The following SLCO1B3 variants were observed in gnomAD, a reference collection of about 807,000 sequenced individuals.
SLCO1B3 encodes the protein solute carrier organic anion transporter family member 1B3.
A neutral mutation model predicts 71.8 loss-of-function variants in SLCO1B3; 72 were observed. The observed-to-expected ratio is 1.00, with a 90% CI of 0.83 to 1.22. The LOEUF is 1.22. SLCO1B3 is among the 50% of genes most tolerant of loss of function. The pLI is 0.00. For synonymous variants in SLCO1B3, 298 were observed against 278.4 expected (o/e 1.07, Z -0.70); for missense variants, 911 against 819.7 (o/e 1.11, Z -1.36).
intron 13 of SLCO1B3, among the ~76,000 whole-genome samples, chr12:20,895,530 C>A (rs1226288586): frequency 6.6e-6 from 1 of 152,194 alleles, no homozygotes; most frequent in East Asian, 1.9e-4. Flanking sequence ...CCATGTCTCA[C>A]ATCTGGGTCA....
intron 13 of SLCO1B3, among the ~76,000 whole-genome samples, chr12:20,889,371 A>G (rs1865857210): frequency 6.6e-6 from 1 of 152,012 alleles, no homozygotes; most frequent in African/African-American, 2.4e-5. Flanking sequence ...TACTAATTCA[A>G]TTTAATTGCT....
intron 3 of SLCO1B3, among the ~76,000 whole-genome samples, chr12:20,828,352 T>G (rs1041551903): frequency 1.1e-4 from 16 of 149,562 alleles, no homozygotes; most frequent in African/African-American, 3.9e-4. Context: ...CATTAAGAAC[T>G]GAGAAACTTG....
chr12:20,908,199 C>T (rs1272277100), intron 15 of SLCO1B3, among the ~76,000 whole-genome samples: 1 of 152,046 alleles, frequency 6.6e-6, no homozygotes, highest in East Asian at 1.9e-4. Flanking sequence ...AAATAATTAC[C>T]TTATGATTTT....
chr12:20,865,205 G>A (rs12304440), intron 8 of SLCO1B3, among the ~76,000 whole-genome samples: 5,236 of 152,154 alleles, frequency 0.034, 250 homozygotes, highest in African/African-American at 0.099. Context: ...CAGGTGATAA[G>A]TAAACACTTA....
At chr12:20,838,609 C>G (rs963147425) in intron 3 of SLCO1B3, among the ~76,000 whole-genome samples, 2 of 152,008 alleles carry the variant, frequency 1.3e-5, no homozygotes, top group African/African-American at 4.8e-5. Context: ...ATGTTATAGC[C>G]TATTGCTTTG....
chr12:20,850,898 T>C (rs1865015298), intron 3 of SLCO1B3, among the ~76,000 whole-genome samples: 1 of 152,204 alleles, frequency 6.6e-6, no homozygotes, highest in Admixed American at 6.5e-5. Flanking sequence ...TTCACAATGG[T>C]TGAGCTAATT....
At chr12:20,849,621 G>A (rs1864981926) in intron 3 of SLCO1B3, among the ~76,000 whole-genome samples, 1 of 151,676 alleles carries the variant, frequency 6.6e-6, no homozygotes, top group Non-Finnish European at 1.5e-5. Flanking sequence ...TTTATTTACA[G>A]ATAACATAAT....
intron 5 of SLCO1B3, among the ~76,000 whole-genome samples, chr12:20,859,872 C>G (rs1865219427): frequency 6.6e-6 from 1 of 151,472 alleles, no homozygotes; most frequent in African/African-American, 2.4e-5. Flanking sequence ...TTCTACCCAT[C>G]TTCAATATTC....
At chr12:20,869,490 G>A (rs922549050) in intron 8 of SLCO1B3, among the ~76,000 whole-genome samples, 2 of 152,124 alleles carry the variant, frequency 1.3e-5, no homozygotes, top group African/African-American at 4.8e-5. Flanking sequence ...TCTATATCTG[G>A]TATAACTTCT....
At chr12:20,910,464 A>G (rs1866350558) in intron 15 of SLCO1B3, among the ~76,000 whole-genome samples, 1 of 152,170 alleles carries the variant, frequency 6.6e-6, no homozygotes, top group Non-Finnish European at 1.5e-5. Flanking sequence ...TAAACTTTAG[A>G]ATTAGCTTGT....
At chr12:20,833,592 C>T (rs1481976590) in intron 3 of SLCO1B3, among the ~76,000 whole-genome samples, 2 of 147,544 alleles carry the variant, frequency 1.4e-5, no homozygotes, top group Admixed American at 1.4e-4. Context: ...ACATATATTG[C>T]ATATATACAC....
At chr12:20,812,533 T>C (rs1180610274) in intron 1 of SLCO1B3, among the ~76,000 whole-genome samples, 1 of 152,210 alleles carries the variant, frequency 6.6e-6, no homozygotes, top group East Asian at 1.9e-4. Context: ...AGAGCTTTTC[T>C]GTTGGGACAG....
chr12:20,810,800 CT>C (rs1565573075), intron 1 of SLCO1B3, 36 bp downstream of exon 1: 1 of 152,078 alleles, frequency 6.6e-6, no homozygotes, highest in East Asian at 1.9e-4. Flanking sequence ...TAAAACATTT[CT>C]TTTATGTAAG....
At chr12:20,902,364 A>T (rs1298005567) in intron 15 of SLCO1B3, 1 of 152,704 alleles carries the variant, frequency 6.5e-6, no homozygotes, top group Non-Finnish European at 1.5e-5. Flanking sequence ...AGCCATTCTG[A>T]CTTGTGTGGG....
chr12:20,904,860 G>A (rs747746899), intron 15 of SLCO1B3, among the ~76,000 whole-genome samples: 6 of 131,444 alleles, frequency 4.6e-5, no homozygotes, highest in Admixed American at 9.2e-5. Context: ...CGTAACCACC[G>A]CCTCCTGGGT....
At position 20,830,174 on chromosome 12, in the gene SLCO1B3, G is replaced by A. The variant is rs372140405; in HGVS notation, c.84+14352G>A. Among the ~76,000 whole-genome samples the A allele has an allele frequency of 1.1e-3, 171 of 152,232 alleles. 4 individuals carry two copies. The South Asian group carries it at 0.033, about 30-fold the overall frequency. On this transcript the variant is annotated intron_variant, in intron 3 of 15. Coordinates refer to ENST00000381545, the MANE Select transcript of SLCO1B3 (RefSeq NM_019844.4). ...AAGATAGCTCAAGCTTGCACCTGGC[G>A]CCCGTAAGAGCCTTGTGAAAGGTTA...
chr12:20,916,323 T>C lies in SLCO1B3; in HGVS notation c.*76T>C. The C allele has an allele frequency of 7.2e-7, 1 of 1,389,520 alleles. No individual in the cohort carries two copies. The highest frequency in any genetic ancestry group is 1.0e-6 in the Non-Finnish European group (1 of 1,002,034). 86.1% of individuals were successfully genotyped at this position (1,389,520 alleles called of 1,614,324 possible). A position where few individuals can be genotyped will look rare whatever the true frequency, so the allele number is the denominator to read the frequency against. ...ACTGACAATTCCAACATTCTTTACT[T>C]ACAGTGGACCAATGGATAAGTCTAT... is the stretch of plus-strand genomic sequence containing the variant. On this transcript the variant is annotated 3_prime_UTR_variant, in exon 16 of 16. Transcript: ENST00000381545.
intron 2 of SLCO1B3, among the ~76,000 whole-genome samples, chr12:20,815,167 C>A (rs1465755999): frequency 1.3e-5 from 2 of 151,836 alleles, no homozygotes; most frequent in African/African-American, 4.8e-5. Context: ...GCTTTTTGAG[C>A]CTTGTTCCAT....
intron 13 of SLCO1B3, among the ~76,000 whole-genome samples, chr12:20,896,333 T>C (rs960419381): frequency 6.6e-6 from 1 of 152,206 alleles, no homozygotes; most frequent in Non-Finnish European, 1.5e-5. Context: ...CTGCTTCCCT[T>C]ATAAAACTGA....
Sources: allele counts gnomAD v4.1 joint callset (sites outside exome capture counted in the v4.1 genomes callset), GRCh38; gene constraint gnomAD v4.1.1; transcripts MANE v1.5; gene names NCBI Gene and HGNC (gene_info 2026-07-23, HGNC 2026-07-21).